VARS1: variants seen among roughly 807,000 people sequenced by gnomAD.
VARS1 encodes valine--tRNA ligase.
VARS1 carries 92 observed loss-of-function variants against 161.0 expected under a neutral mutation model. The observed-to-expected ratio is 0.57, with a 90% CI of 0.48 to 0.68. The LOEUF (loss-of-function observed/expected upper bound fraction) is 0.68, where lower values mean the gene tolerates loss of function less well. Ranked by LOEUF, VARS1 falls within the 30% of genes least tolerant of loss-of-function variation. VARS1 has a pLI of 0.00. For missense variants in VARS1, 1,338 were observed against 1,695.9 expected (o/e 0.79, Z 3.71); for synonymous variants, 595 against 682.5 (o/e 0.87, Z 2.00).
In VARS1 at chr6:31,782,026, A is replaced by G; in HGVS notation, c.2241+61T>C. On this transcript the variant is annotated intron_variant, in intron 18 of 29. Coordinates refer to ENST00000375663, the MANE Select transcript of VARS1 (RefSeq NM_006295.3). This position sits in a 1 kb window ranked among gnomAD's most constrained non-coding sequence, Gnocchi z 8.3. ...CACCCTGCCCCTCCCCCCACCAAGG[A>G]CCCAGTAAACCCACCACTCCAGCAG... The G allele has an allele frequency of 6.2e-7, 1 of 1,611,882 alleles. No homozygotes were observed. Among genetic ancestry groups the G allele is most frequent in the Non-Finnish European group, 8.5e-7 (1 of 1,179,056 alleles).
rs560127355 is a variant in VARS1, at chr6:31,783,000, G to A, written c.1762+96C>T. ...GAACCACCCCAAGCTCTGTCTATTT[G>A]GCTGAAGCTTATTTTCTTTTTCTCT... is the stretch of plus-strand genomic sequence containing the variant. On this transcript the variant is annotated intron_variant, in intron 14 of 29. Transcript: ENST00000375663. The surrounding 1 kb of genome is among the most constrained non-coding windows in gnomAD (Gnocchi z 8.3). The A allele has an allele frequency of 8.4e-6, 13 of 1,542,974 alleles. No homozygotes were observed. The East Asian group carries it at 2.5e-4, about 30-fold the overall frequency.
intron 2 of VARS1, among the ~76,000 whole-genome samples, chr6:31,794,391 G>A (rs769702566): frequency 1.1e-4 from 17 of 152,126 alleles, no homozygotes; most frequent in Non-Finnish European, 2.2e-4. Flanking sequence ...AATCTGGCAG[G>A]GTTATCTCTC....
chr6:31,792,093 T>TAG (rs1243859573), intron 6 of VARS1, 122 bp from the exon 7 acceptor site: 1 of 1,462,878 alleles, frequency 6.8e-7, no homozygotes, highest in African/African-American at 1.4e-5. Context: ...TTGAGGGGCC[T>TAG]AGAGGCAGGG....
rs1812940851 is a variant in VARS1 at position 31,779,129 on chromosome 6, G to A, written c.3564C>T (p.His1188=). ...VALASDRCSI[H]LQLQGLVDPA... is the part of the protein sequence containing the mutation. ...GGTCCACCAGCCCCTGAAGCTGCAG[G>A]TGGATGGAGCAGCGATCAGAAGCCA... The change falls in exon 29 of 30, where the codon CAC becomes CAT. Residue 1188 remains histidine, a synonymous_variant. Coordinates refer to ENST00000375663, the MANE Select transcript of VARS1 (RefSeq NM_006295.3). This position sits in a 1 kb window ranked among gnomAD's most constrained non-coding sequence, Gnocchi z 9.1. 2 of 1,607,620 alleles carry A rather than the reference G, an allele frequency of 1.2e-6. No individual in the cohort carries two copies.
At position 31,795,164 on chromosome 6, in the gene VARS1, G is replaced by A. The variant is rs779373536; in HGVS notation, c.54C>T (p.Ala18=). Residue 18 remains alanine, a synonymous_variant, in exon 2 of 30, where the codon GCC becomes GCT. Transcript: ENST00000375663. This position sits in a 1 kb window ranked among gnomAD's most constrained non-coding sequence, Gnocchi z 6.9. The stretch of plus-strand genomic sequence containing the variant: ...CCTCCCCATAGCGAGCGGCTATGAG[G>A]GCTCGGAGGCTGGGGAAGGCATCTG... ...PHPDAFPSLR[A]LIAARYGEAG... 3.4e-6 allele frequency: 5 copies of A among 1,480,360 alleles called. No individual in the cohort carries two copies. The highest frequency in any genetic ancestry group is 2.3e-5 in the Admixed American group (1 of 43,292). The allele number at this position is 1,480,360 out of a possible 1,614,324, so 91.7% of individuals were successfully genotyped here.
chr6:31,781,514 G>C lies in VARS1; in HGVS notation c.2511C>G (p.Gly837=). 1.2e-6 allele frequency: 2 copies of C among 1,612,934 alleles called. No individual in the cohort carries two copies. The highest frequency in any genetic ancestry group is 8.5e-7 in the Non-Finnish European group (1 of 1,179,988). ...FFWVARMVML[G]LKLTGRLPFR... is the part of the protein sequence containing the mutation. The stretch of plus-strand genomic sequence containing the variant: ...AGGGCAGCCTGCCCGTGAGCTTCAG[G>C]CCCAGCATGACCATCCGGGCCACCC... Residue 837 remains glycine (G), a synonymous_variant, in exon 21 of 30, where the codon GGC becomes GGG. Coordinates refer to ENST00000375663, the MANE Select transcript of VARS1 (RefSeq NM_006295.3). This position sits in a 1 kb window ranked among gnomAD's most constrained non-coding sequence, Gnocchi z 6.8.
rs772625826 is a variant in VARS1, at chr6:31,779,460, C to A, written c.3365G>T (p.Arg1122Leu). The A allele has an allele frequency of 1.1e-5, 17 of 1,612,590 alleles. No individual in the cohort carries two copies. Among genetic ancestry groups the A allele is most frequent in the Non-Finnish European group, 1.4e-5 (17 of 1,179,992 alleles). The change falls in exon 28 of 30, where the codon CGG (arginine) becomes CTG (leucine). Residue 1122 changes from arginine (R) to leucine (L), a missense_variant. By Grantham distance (102) the Arg-to-Leu change is moderately radical. This residue lies in a region of VARS1 where 433 missense variants were observed against 586.2 expected (regional missense o/e 0.74). Coordinates refer to ENST00000375663, the MANE Select transcript of VARS1 (RefSeq NM_006295.3). The surrounding 1 kb of genome is among the most constrained non-coding windows in gnomAD (Gnocchi z 9.1). ...GATCCGGGTGAGGTTGTAGTCGGCC[C>A]GCAGGGAGCGCACGGCTCGCGTGAT... Reference protein sequence around the residue: ...LSITRAVRSLRADYNLTRIRP... With the variant: ...LSITRAVRSLLADYNLTRIRP...
At position 31,782,605 on chromosome 6, in the gene VARS1, G is replaced by A. The variant is rs1248406525; in HGVS notation, c.1916C>T (p.Ala639Val). The A allele has an allele frequency of 6.2e-6, 10 of 1,613,060 alleles. No homozygotes were observed. Among genetic ancestry groups the A allele is most frequent in the Admixed American group, 1.7e-5 (1 of 60,032 alleles). The change falls in exon 16 of 30, where the codon GCG becomes GTG. Residue 639 changes from alanine to valine, a missense_variant. Coordinates refer to ENST00000375663, the MANE Select transcript of VARS1 (RefSeq NM_006295.3). This position sits in a 1 kb window ranked among gnomAD's most constrained non-coding sequence, Gnocchi z 8.3. ...CCGCTCCTTCAGCGCCACCAGCACCGCTTTCCTGGCCTCAAACCTGGGCAG... is the reference window on the plus strand; with the variant it reads ...CCGCTCCTTCAGCGCCACCAGCACCACTTTCCTGGCCTCAAACCTGGGCAG... ...LGLPRFEARK[A>V]VLVALKERGL...
At position 31,791,839 on chromosome 6, in the gene VARS1, C is replaced by T. The variant is rs1813887704; in HGVS notation, c.972+32G>A. 3 of 1,612,108 alleles carry T rather than the reference C, an allele frequency of 1.9e-6. No individual in the cohort carries two copies. The highest frequency in any genetic ancestry group is 1.3e-5 in the African/African-American group (1 of 74,912). ...CAGTCCTGCCCTTCCCCACCCCACC[C>T]ACTCTGGGCCTGGGCAGCAGTGCCT... is the stretch of plus-strand genomic sequence containing the variant. On this transcript the variant is annotated intron_variant, in intron 7 of 29. Coordinates refer to ENST00000375663, the MANE Select transcript of VARS1 (RefSeq NM_006295.3). The surrounding 1 kb of genome is among the most constrained non-coding windows in gnomAD (Gnocchi z 5.0).
rs540983596 is a variant in VARS1 at position 31,782,694 on chromosome 6, G to A, written c.1887+27C>T. The stretch of plus-strand genomic sequence containing the variant: ...AGCCATCCCTCCATCTCCCTGACCC[G>A]GGCACTCTTGCCTCAGGCAGCCTCA... On this transcript the variant is annotated intron_variant, in intron 15 of 29. Coordinates refer to ENST00000375663, the MANE Select transcript of VARS1 (RefSeq NM_006295.3). The surrounding 1 kb of genome is among the most constrained non-coding windows in gnomAD (Gnocchi z 8.3). 3.3e-5 allele frequency: 54 copies of A among 1,612,856 alleles called. No individual in the cohort carries two copies. The highest frequency in any genetic ancestry group is 5.5e-5 in the South Asian group (5 of 91,080).
chr6:31,781,253 T>C lies in VARS1; in HGVS notation c.2545-130A>G, dbSNP rs908566773. ...CCCACTGAGTGTCCCCAAGAGCTCGTTGAGCGCCTTTATGTGAATCAGAAG... is the reference window on the plus strand; with the variant it reads ...CCCACTGAGTGTCCCCAAGAGCTCGCTGAGCGCCTTTATGTGAATCAGAAG... On this transcript the variant is annotated intron_variant, in intron 21 of 29. Coordinates refer to ENST00000375663, the MANE Select transcript of VARS1 (RefSeq NM_006295.3). This position sits in a 1 kb window ranked among gnomAD's most constrained non-coding sequence, Gnocchi z 6.8. The C allele has an allele frequency of 1.4e-5, 17 of 1,210,494 alleles. No individual in the cohort carries two copies. The highest frequency in any genetic ancestry group is 2.0e-5 in the Non-Finnish European group (17 of 856,646). 75.0% of individuals were successfully genotyped at this position (1,210,494 alleles called of 1,614,324 possible). A position where few individuals can be genotyped will look rare whatever the true frequency, so the allele number is the denominator to read the frequency against.
chr6:31,778,635 G>A lies in VARS1; in HGVS notation c.3726+332C>T, dbSNP rs1812897619. ...AGCAATCCGCCCACCTCAGCCCCCC[G>A]AGTAGCTGGGACCCCAAGTGTGTGC... On this transcript the variant is annotated intron_variant, in intron 29 of 29. Coordinates refer to ENST00000375663, the MANE Select transcript of VARS1 (RefSeq NM_006295.3). This position sits in a 1 kb window ranked among gnomAD's most constrained non-coding sequence, Gnocchi z 5.1. Among the ~76,000 whole-genome samples the A allele has an allele frequency of 6.6e-6, 1 of 152,018 alleles. No individual in the cohort carries two copies. The highest frequency in any genetic ancestry group is 1.5e-5 in the Non-Finnish European group (1 of 68,020).
chr6:31,788,532 C>A (rs12529130), intron 8 of VARS1, among the ~76,000 whole-genome samples: 14,008 of 148,820 alleles, frequency 0.094, 835 homozygotes, highest in Admixed American at 0.17. Flanking sequence ...ACAGGCCAGG[C>A]GCGGTGGGTC....
rs774610086 is a variant in VARS1 at position 31,779,180 on chromosome 6, G to A, written c.3513C>T (p.Pro1171=). The A allele has an allele frequency of 8.1e-6, 13 of 1,604,610 alleles. No individual in the cohort carries two copies. Among genetic ancestry groups the A allele is most frequent in the East Asian group, 4.5e-5 (2 of 44,730 alleles). Residue 1171 remains proline, a synonymous_variant, in exon 29 of 30, where the codon CCC becomes CCT. Transcript: ENST00000375663. The surrounding 1 kb of genome is among the most constrained non-coding windows in gnomAD (Gnocchi z 9.1). ...GAGCCACAGCGCAACCCTGGGGGGC[G>A]GGAGCCCCCAGGGCCAGAACAGCCA... is the stretch of plus-strand genomic sequence containing the variant. The part of the protein sequence containing the change: ...GVVAVLALGA[P]APQGCAVALA...
Position 31,782,102 on chromosome 6 carries a change from C to T in VARS1, c.2226G>A (p.Ala742=), listed in dbSNP as rs912056358. ...CTCTGCTCACCTCCCCAGGGGGCAC[C>T]GCTGGGTCACTGACAGTGACAAAGT... is the stretch of plus-strand genomic sequence containing the variant. ...PAYFVTVSDP[A]VPPGEDPDGR... Residue 742 remains alanine, a synonymous_variant, in exon 18 of 30, where the codon GCG becomes GCA. Coordinates refer to ENST00000375663, the MANE Select transcript of VARS1 (RefSeq NM_006295.3). The surrounding 1 kb of genome is among the most constrained non-coding windows in gnomAD (Gnocchi z 8.3). The T allele has an allele frequency of 1.2e-5, 19 of 1,613,570 alleles. No homozygotes were observed. Among genetic ancestry groups the T allele is most frequent in the Admixed American group, 6.7e-5 (4 of 59,986 alleles).
Position 31,780,647 on chromosome 6 carries a change from G to A in VARS1, c.2797+58C>T. 6 of 1,613,228 alleles carry A rather than the reference G, an allele frequency of 3.7e-6. No individual in the cohort carries two copies. Among genetic ancestry groups the A allele is most frequent in the Non-Finnish European group, 5.1e-6 (6 of 1,179,314 alleles). On this transcript the variant is annotated intron_variant, in intron 24 of 29. Transcript: ENST00000375663. This position sits in a 1 kb window ranked among gnomAD's most constrained non-coding sequence, Gnocchi z 5.1. ...ACCAGAGGCTCAGGGTGGAGAAGAG[G>A]GATGGGCCTCACAGAAGGAGGAAGG...
In VARS1 at chr6:31,780,209, T is replaced by C. The variant is rs1374032117; in HGVS notation, c.2926-56A>G. ...GCCAGGGGAGGGTGCCAGAACCCCA[T>C]GGGGGCAGGAGTCATGGGCAAATCT... On this transcript the variant is annotated intron_variant, in intron 25 of 29. Transcript: ENST00000375663. This position sits in a 1 kb window ranked among gnomAD's most constrained non-coding sequence, Gnocchi z 5.1. The C allele has an allele frequency of 1.2e-6, 2 of 1,603,552 alleles. No individual in the cohort carries two copies. The highest frequency in any genetic ancestry group is 1.7e-5 in the Admixed American group (1 of 59,804).
intron 8 of VARS1, among the ~76,000 whole-genome samples, chr6:31,790,032 AAAAT>A (rs986812930): frequency 6.6e-6 from 1 of 151,882 alleles, no homozygotes; most frequent in Non-Finnish European, 1.5e-5. Flanking sequence ...CCCGTCTCAA[AAAAT>A]AAATAAATAA....
In VARS1 at chr6:31,782,010, C is replaced by T. The variant is rs1207216250; in HGVS notation, c.2242-58G>A. The T allele has an allele frequency of 3.7e-6, 6 of 1,612,250 alleles. No homozygotes were observed. The highest frequency in any genetic ancestry group is 5.1e-6 in the Non-Finnish European group (6 of 1,179,272). On this transcript the variant is annotated intron_variant, in intron 18 of 29. Transcript: ENST00000375663. This position sits in a 1 kb window ranked among gnomAD's most constrained non-coding sequence, Gnocchi z 8.3. The stretch of plus-strand genomic sequence containing the variant: ...GTGTCTGCTTCTGGCTCACCCTGCC[C>T]CTCCCCCCACCAAGGACCCAGTAAA...
Sources: gnomAD v4.1 joint callset for allele counts (sites outside exome capture counted in the v4.1 genomes callset) on GRCh38, gnomAD v4.1.1 for gene constraint, gnomAD v4.1.1 regional missense constraint, Gnocchi (gnomAD v3.1) non-coding constraint, MANE v1.5 for transcripts, NCBI Gene and HGNC (gene_info 2026-07-23, HGNC 2026-07-21) for gene names.